Variants in BHLHE41 observed in about 807,000 individuals in gnomAD.
BHLHE41 encodes the protein class E basic helix-loop-helix protein 41.
In BHLHE41, 14 loss-of-function variants were observed where a neutral mutation model predicts 24.0. The observed-to-expected ratio is 0.58, with a 90% CI of 0.39 to 0.91. The LOEUF (loss-of-function observed/expected upper bound fraction) is 0.91. BHLHE41 is among the 40% of genes least tolerant of loss of function. The pLI is 0.00. For synonymous variants in BHLHE41, 394 were observed against 315.5 expected, an observed-to-expected ratio of 1.25 and a Z score of -2.64; for missense variants, 674 against 655.4, an observed-to-expected ratio of 1.03 and a Z score of -0.31.
chr12:26,124,056 A>G lies in BHLHE41; in HGVS notation c.234+16T>C, dbSNP rs1944339890. 6.5e-7 allele frequency: 1 copy of G among 1,532,998 alleles called. No individual in the cohort carries two copies. The highest frequency in any genetic ancestry group is 9.0e-7 in the Non-Finnish European group (1 of 1,106,270). 95.0% of individuals were successfully genotyped at this position (1,532,998 alleles called of 1,614,324 possible). A position where few individuals can be genotyped will look rare whatever the true frequency, so the allele number is the denominator to read the frequency against. On this transcript the variant is annotated intron_variant, in intron 3 of 4. Transcript: ENST00000242728. ...CGCCCTTGGAGAGCAGCAAAGAATG[A>G]AAATGTGCATCTTACTGTCAATTTC...
intron 2 of BHLHE41, 25 bp from the exon 3 acceptor site, chr12:26,124,204 A>C (rs1944341167): frequency 2.1e-6 from 3 of 1,461,054 alleles, no homozygotes; most frequent in Non-Finnish European, 2.9e-6. Context: ...GTCATGGAAA[A>C]GAGAAAACAG....
intron 4 of BHLHE41, 31 bp downstream of exon 4, chr12:26,123,599 A>T (rs1420060096): frequency 6.6e-7 from 1 of 1,504,038 alleles, no homozygotes; most frequent in African/African-American, 1.4e-5. Context: ...CCGCTTCATC[A>T]GGGTAGGCTG....
rs1228286601 is a variant in BHLHE41 at position 26,122,300 on chromosome 12, AGCGGCGGCGGCGGCTGCCGCGGCT to A, written c.1191_1214del (p.Ala404_Ala411del). 57 of 1,164,990 alleles carry A rather than the reference AGCGGCGGCGGCGGCTGCCGCGGCT, an allele frequency of 4.9e-5. No individual in the cohort carries two copies. The African/African-American group carries it at 9.0e-4, about 18-fold the overall frequency. The allele number at this position is 1,164,990 out of a possible 1,614,324, so 72.2% of individuals were successfully genotyped here. ...AGGGGAACGCGGCGGCGGCGGCGGC[AGCGGCGGCGGCGGCTGCCGCGGCT>A]GCCGCCGGGGCGGGGATGCCGGGGT... On this transcript the variant is annotated inframe_deletion, in exon 5 of 5. Coordinates refer to ENST00000242728, the MANE Select transcript of BHLHE41 (RefSeq NM_030762.3).
chr12:26,123,567 C>T, intron 4 of BHLHE41, 63 bp downstream of exon 4: 1 of 1,161,014 alleles, frequency 8.6e-7, no homozygotes, highest in East Asian at 2.3e-5. Context: ...GGAGTCCTGA[C>T]ACTGCTCCCC....
rs1382442278 is a variant in BHLHE41, at chr12:26,122,302, C to A, written c.1213G>T (p.Ala405Ser). The A allele has an allele frequency of 2.6e-6, 3 of 1,162,886 alleles. 1 individual carries two copies. The highest frequency in any genetic ancestry group is 3.3e-5 in the African/African-American group (2 of 60,528). The allele number at this position is 1,162,886 out of a possible 1,614,324, so 72.0% of individuals were successfully genotyped here. The stretch of plus-strand genomic sequence containing the variant: ...GGGAACGCGGCGGCGGCGGCGGCAG[C>A]GGCGGCGGCGGCTGCCGCGGCTGCC... Reference protein sequence around the residue: ...PAAAAAAAAAAAAAAAAFPCL... With the variant: ...PAAAAAAAAASAAAAAAFPCL... Residue 405 changes from alanine to serine, a missense_variant, in exon 5 of 5, where the codon GCT becomes TCT. Ala to Ser is a moderately conservative substitution (Grantham distance 99). Transcript: ENST00000242728.
chr12:26,122,355 A>T lies in BHLHE41; in HGVS notation c.1160T>A (p.Leu387Gln). 8.5e-7 allele frequency: 1 copy of T among 1,172,378 alleles called. No individual in the cohort carries two copies. Among genetic ancestry groups the T allele is most frequent in the Non-Finnish European group, 1.1e-6 (1 of 951,264 alleles). 72.6% of individuals were successfully genotyped at this position (1,172,378 alleles called of 1,614,324 possible). Reference sequence around the variant, plus strand: ...CGGGGCGGGGATGCCGGGGTATAGCAGCGGGAACGGGGCGGCAGCCGCCGC... The same window carrying T: ...CGGGGCGGGGATGCCGGGGTATAGCTGCGGGAACGGGGCGGCAGCCGCCGC... ...YPAAAAAPFP[L>Q]LYPGIPAPAA... The change falls in exon 5 of 5, where the codon CTG becomes CAG. Residue 387 changes from leucine to glutamine, a missense_variant. Physicochemically the swap from Leu to Gln is moderately radical, Grantham distance 113. Coordinates refer to ENST00000242728, the MANE Select transcript of BHLHE41 (RefSeq NM_030762.3).
chr12:26,121,844 T>C lies in BHLHE41; in HGVS notation c.*222A>G. Reference sequence around the variant, plus strand: ...GCTGGTGGGGGGAAGAAAGGGATGTTAGTGTGTGGAGGGTGGGGTGGTGCG... The same window carrying C: ...GCTGGTGGGGGGAAGAAAGGGATGTCAGTGTGTGGAGGGTGGGGTGGTGCG... On this transcript the variant is annotated 3_prime_UTR_variant, in exon 5 of 5. Coordinates refer to ENST00000242728, the MANE Select transcript of BHLHE41 (RefSeq NM_030762.3). 1 of 1,048,872 alleles carries C rather than the reference T, an allele frequency of 9.5e-7. No homozygotes were observed. Among genetic ancestry groups the C allele is most frequent in the Admixed American group, 2.5e-5 (1 of 40,000 alleles). The allele number at this position is 1,048,872 out of a possible 1,614,324, so 65.0% of individuals were successfully genotyped here.
Position 26,122,095 on chromosome 12 carries a change from G to A in BHLHE41, c.1420C>T (p.Pro474Ser), listed in dbSNP as rs1944310990. ...GNPESSAQED[P>S]SQPGKEAP ...GGAGCTTCCTTTCCTGGCTGCGAGG[G>A]ATCTTCCTGAGCAGAGCTCTCCGGG... Residue 474 changes from proline to serine, a missense_variant, in exon 5 of 5, where the codon CCC becomes TCC. By Grantham distance (74) the Pro-to-Ser change is moderately conservative. Around this residue, in one of 3 missense-constraint regions of BHLHE41, gnomAD observed 602 missense variants for 570.8 expected, o/e 1.05. Coordinates refer to ENST00000242728, the MANE Select transcript of BHLHE41 (RefSeq NM_030762.3). 2 of 1,549,804 alleles carry A rather than the reference G, an allele frequency of 1.3e-6. No individual in the cohort carries two copies. Among genetic ancestry groups the A allele is most frequent in the Non-Finnish European group, 1.7e-6 (2 of 1,146,614 alleles).
chr12:26,120,569 C>A lies in BHLHE41; in HGVS notation c.*1497G>T, dbSNP rs1420044873. On this transcript the variant is annotated 3_prime_UTR_variant, in exon 5 of 5. Coordinates refer to ENST00000242728, the MANE Select transcript of BHLHE41 (RefSeq NM_030762.3). ...ATCATTAGCACATATTTTCTCCCTA[C>A]AAAAATAGCATGTCAGACATCATTA... The A allele has an allele frequency of 6.6e-6, 1 of 152,600 alleles. No homozygotes were observed. Among genetic ancestry groups the A allele is most frequent in the African/African-American group, 2.4e-5 (1 of 41,432 alleles). The allele number at this position is 152,600 out of a possible 1,614,324, so 9.5% of individuals were successfully genotyped here. A position where few individuals can be genotyped will look rare whatever the true frequency, so the allele number is the denominator to read the frequency against.
Position 26,122,728 on chromosome 12 carries a change from C to G in BHLHE41, c.787G>C (p.Val263Leu), listed in dbSNP as rs754234401. The G allele has an allele frequency of 1.9e-5, 30 of 1,590,906 alleles. No homozygotes were observed. Among genetic ancestry groups the G allele is most frequent in the Non-Finnish European group, 2.6e-5 (30 of 1,173,528 alleles). ...CCGGGAGGCTCCTGCTTGATGGTGA[C>G]GCGGCTCGCCCCCGCGCCTTTGCCT... Reference protein sequence around the residue: ...EKGKGAGASRVTIKQEPPGED... With the variant: ...EKGKGAGASRLTIKQEPPGED... The change falls in exon 5 of 5, where the codon GTC becomes CTC. Residue 263 changes from valine to leucine, a missense_variant. Val to Leu is a conservative substitution (Grantham distance 32). Coordinates refer to ENST00000242728, the MANE Select transcript of BHLHE41 (RefSeq NM_030762.3).
Position 26,123,612 on chromosome 12 carries a change from C to A in BHLHE41, c.346+18G>T. On this transcript the variant is annotated intron_variant, in intron 4 of 4. Coordinates refer to ENST00000242728, the MANE Select transcript of BHLHE41 (RefSeq NM_030762.3). ...CCCCGCTTCATCAGGGTAGGCTGGCCTCCCTGAACTGACTTACCATTCTGT... is the reference window on the plus strand; with the variant it reads ...CCCCGCTTCATCAGGGTAGGCTGGCATCCCTGAACTGACTTACCATTCTGT... 6.4e-7 allele frequency: 1 copy of A among 1,572,640 alleles called. No individual in the cohort carries two copies. Among genetic ancestry groups the A allele is most frequent in the East Asian group, 2.2e-5 (1 of 44,676 alleles).
chr12:26,123,197 G>C lies in BHLHE41; in HGVS notation c.347-29C>G, dbSNP rs746857450. On this transcript the variant is annotated intron_variant, in intron 4 of 4. Coordinates refer to ENST00000242728, the MANE Select transcript of BHLHE41 (RefSeq NM_030762.3). ...GGATGAGGAAGGGATGGGGGTGGGGGACGGAGGAGTGGAGGCAAGAAGAAA... is the reference window on the plus strand; with the variant it reads ...GGATGAGGAAGGGATGGGGGTGGGGCACGGAGGAGTGGAGGCAAGAAGAAA... 15 of 1,554,684 alleles carry C rather than the reference G, an allele frequency of 9.6e-6. No homozygotes were observed. The South Asian group carries it at 1.8e-4, about 19-fold the overall frequency.
chr12:26,122,288 G>A lies in BHLHE41; in HGVS notation c.1227C>T (p.Ala409=). 1 of 1,197,038 alleles carries A rather than the reference G, an allele frequency of 8.4e-7. No individual in the cohort carries two copies. Among genetic ancestry groups the A allele is most frequent in the African/African-American group, 1.6e-5 (1 of 62,470 alleles). 74.2% of individuals were successfully genotyped at this position (1,197,038 alleles called of 1,614,324 possible). A position where few individuals can be genotyped will look rare whatever the true frequency, so the allele number is the denominator to read the frequency against. The part of the protein sequence containing the change: ...AAAAAAAAAA[A]AAFPCLSSVL... ...CCGAGGACAGGCAGGGGAACGCGGC[G>A]GCGGCGGCGGCAGCGGCGGCGGCGG... is the stretch of plus-strand genomic sequence containing the variant. The change falls in exon 5 of 5, where the codon GCC becomes GCT. Residue 409 remains alanine, a synonymous_variant. Transcript: ENST00000242728.
Position 26,124,064 on chromosome 12 carries a change from C to T in BHLHE41, c.234+8G>A, listed in dbSNP as rs779909577. 120 of 1,557,600 alleles carry T rather than the reference C, an allele frequency of 7.7e-5. No homozygotes were observed. The highest frequency in any genetic ancestry group is 1.0e-4 in the Non-Finnish European group (115 of 1,128,708). ...GAGAGCAGCAAAGAATGAAAATGTG[C>T]ATCTTACTGTCAATTTCAGATGTTC... On this transcript the variant is annotated splice_region_variant and intron_variant, in intron 3 of 4. Coordinates refer to ENST00000242728, the MANE Select transcript of BHLHE41 (RefSeq NM_030762.3).
At chr12:26,124,249 G>T in intron 2 of BHLHE41, 70 bp from the exon 3 acceptor site, 2 of 935,300 alleles carry the variant, frequency 2.1e-6, no homozygotes, top group South Asian at 1.4e-5. Context: ...TATTACCCTC[G>T]TCTGCCCCCC....
chr12:26,122,442 G>A lies in BHLHE41; in HGVS notation c.1073C>T (p.Ala358Val). 1 of 1,356,694 alleles carries A rather than the reference G, an allele frequency of 7.4e-7. No homozygotes were observed. The highest frequency in any genetic ancestry group is 9.6e-7 in the Non-Finnish European group (1 of 1,044,198). The allele number at this position is 1,356,694 out of a possible 1,614,324, so 84.0% of individuals were successfully genotyped here. The change falls in exon 5 of 5, where the codon GCA (alanine) becomes GTA (valine). Residue 358 changes from alanine (A) to valine (V), a missense_variant. Physicochemically the swap from Ala to Val is moderately conservative, Grantham distance 64 (BLOSUM62 0). Around this residue, in one of 3 missense-constraint regions of BHLHE41, gnomAD observed 602 missense variants for 570.8 expected, o/e 1.05. Transcript: ENST00000242728. ...GAAGGGCTGCACGTAGGCGGCAGCT[G>A]CAGAAGGCGAGAGGAAGCAGAAGGG... ...CLPFCFLSPS[A>V]AAAYVQPFLD...
chr12:26,123,785 A>G (rs1305646362), intron 3 of BHLHE41, 44 bp from the exon 4 acceptor site: 1 of 1,329,258 alleles, frequency 7.5e-7, no homozygotes, highest in African/African-American at 1.4e-5. Flanking sequence ...TTACTTAAAA[A>G]CACACATTTG....
Position 26,124,060 on chromosome 12 carries a change from T to G in BHLHE41, c.234+12A>C. On this transcript the variant is annotated intron_variant, in intron 3 of 4. Coordinates refer to ENST00000242728, the MANE Select transcript of BHLHE41 (RefSeq NM_030762.3). ...CTTGGAGAGCAGCAAAGAATGAAAA[T>G]GTGCATCTTACTGTCAATTTCAGAT... 1 of 1,547,482 alleles carries G rather than the reference T, an allele frequency of 6.5e-7. No homozygotes were observed. The highest frequency in any genetic ancestry group is 8.9e-7 in the Non-Finnish European group (1 of 1,119,396).
Position 26,124,830 on chromosome 12 carries a change from T to A in BHLHE41, c.-51A>T, listed in dbSNP as rs1323023980. The A allele has an allele frequency of 1.9e-6, 3 of 1,579,046 alleles. No homozygotes were observed. In the Admixed American group the frequency reaches 5.0e-5, roughly 26 times the overall value. ...TTTCGATTTTTGGGGCTCTGTACAA[T>A]AATCTGTGGGACGGTAGGCTTGGGA... is the stretch of plus-strand genomic sequence containing the variant. On this transcript the variant is annotated 5_prime_UTR_variant, in exon 1 of 5. Coordinates refer to ENST00000242728, the MANE Select transcript of BHLHE41 (RefSeq NM_030762.3).
Sources: gnomAD v4.1 joint callset for allele counts on GRCh38, gnomAD v4.1.1 for gene constraint, gnomAD v4.1.1 regional missense constraint, MANE v1.5 for transcripts, NCBI Gene and HGNC (gene_info 2026-07-23, HGNC 2026-07-21) for gene names.